DSP: variants seen among roughly 807,000 people sequenced by gnomAD.
DSP encodes 250/210 kDa paraneoplastic pemphigus antigen.
In DSP, 114 loss-of-function variants were observed where a neutral mutation model predicts 290.6. That is an observed-to-expected ratio of 0.39 (90% CI 0.34 to 0.46). The LOEUF (loss-of-function observed/expected upper bound fraction) is 0.46, where lower values mean the gene tolerates loss of function less well. Among genes scored for constraint, DSP ranks in the 20% least tolerant of loss-of-function variants. The probability of loss-of-function intolerance (pLI) is 0.99; values close to 1 mark genes in which losing one functional copy is unlikely to be tolerated. For missense variants in DSP, 3,230 were observed against 3,495.8 expected (o/e 0.92, Z 1.92); for synonymous variants, 1,311 against 1,316.4 (o/e 1.00, Z 0.09).
chr6:7,571,412 G>A lies in DSP; in HGVS notation c.1731G>A (p.Met577Ile), dbSNP rs794728101. 13 of 1,614,068 alleles carry A rather than the reference G, an allele frequency of 8.1e-6. No individual in the cohort carries two copies. Among genetic ancestry groups the A allele is most frequent in the Admixed American group, 3.3e-5 (2 of 60,010 alleles). The stretch of plus-strand genomic sequence containing the variant: ...AAACAATGCGGCAGGAAGATTACAT[G>A]AAGACGATAGCCGACCTTGAGTTAC... ...KLKTMRQEDY[M>I]KTIADLELHY... Residue 577 changes from methionine to isoleucine, a missense_variant, in exon 14 of 24, where the codon ATG (methionine) becomes ATA (isoleucine). By Grantham distance (10) the Met-to-Ile change is conservative. This residue lies in a region of DSP where 81 missense variants were observed against 130.5 expected (regional missense o/e 0.62). Transcript: ENST00000379802.
Position 7,558,155 on chromosome 6 carries a change from C to T in DSP, c.313C>T (p.Arg105Ter), listed in dbSNP as rs1435125402. ...YGDGIQLTRS[R>*]ELDECFAQAN... The stretch of plus-strand genomic sequence containing the variant: ...AGATGGAATACAACTGACTCGGAGT[C>T]GAGAATTGGATGAGTGTTTTGCCCA... The change falls in exon 3 of 24, where the codon CGA becomes TGA. Residue 105 changes from arginine to a stop codon, truncating the protein, a stop_gained. Coordinates refer to ENST00000379802, the MANE Select transcript of DSP (RefSeq NM_004415.4). LOFTEE classifies it high-confidence loss of function. The T allele has an allele frequency of 1.9e-6, 3 of 1,614,140 alleles. No homozygotes were observed. Among genetic ancestry groups the T allele is most frequent in the Non-Finnish European group, 1.7e-6 (2 of 1,180,028 alleles).
rs900320577 is a variant in DSP, at chr6:7,581,275, C to T, written c.5085C>T (p.Ser1695=). 1 of 1,614,104 alleles carries T rather than the reference C, an allele frequency of 6.2e-7. No homozygotes were observed. The highest frequency in any genetic ancestry group is 1.7e-5 in the Admixed American group (1 of 60,022). The change falls in exon 23 of 24, where the codon AGC becomes AGT. Residue 1695 remains serine, a synonymous_variant. Transcript: ENST00000379802. ...FQKAIEDKSR[S]LNESKIEIER... Reference sequence around the variant, plus strand: ...AGGCGATAGAAGATAAAAGCAGAAGCTTAAATGAAAGCAAAATAGAAATTG... The same window carrying T: ...AGGCGATAGAAGATAAAAGCAGAAGTTTAAATGAAAGCAAAATAGAAATTG...
intron 2 of DSP, 93 bp from the exon 3 acceptor site, chr6:7,558,023 T>A: frequency 6.8e-7 from 1 of 1,464,246 alleles, no homozygotes; most frequent in Non-Finnish European, 9.6e-7. Flanking sequence ...GTTTTTGTCA[T>A]GTTTACAGTG....
chr6:7,571,932 A>G lies in DSP; in HGVS notation c.1994A>G (p.Glu665Gly). The G allele has an allele frequency of 6.2e-7, 1 of 1,614,216 alleles. No homozygotes were observed. The highest frequency in any genetic ancestry group is 8.5e-7 in the Non-Finnish European group (1 of 1,180,046). The change falls in exon 15 of 24, where the codon GAA becomes GGA. Residue 665 changes from glutamate (E) to glycine (G), a missense_variant. Coordinates refer to ENST00000379802, the MANE Select transcript of DSP (RefSeq NM_004415.4). ...IETNRENDKQ[E>G]TWMLMELQKI... ...ACCAACAGAGAAAATGACAAGCAAG[A>G]AACATGGATGCTGATGGAGCTGCAG...
At chr6:7,550,964 G>A (rs1758324403) in intron 1 of DSP, among the ~76,000 whole-genome samples, 1 of 150,964 alleles carries the variant, frequency 6.6e-6, no homozygotes, top group African/African-American at 2.4e-5. Context: ...TTGAGGGTAG[G>A]GATTTAAAAA....
At chr6:7,558,507 CTTTTTT>C (rs145193988) in intron 3 of DSP, among the ~76,000 whole-genome samples, 20 of 104,516 alleles carry the variant, frequency 1.9e-4, no homozygotes, top group African/African-American at 6.8e-4. Flanking sequence ...TGGCATTTGA[CTTTTTT>C]TTTTTTTTTT....
rs1232724040 is a variant in DSP at position 7,566,418 on chromosome 6, T to C, written c.981T>C (p.Asn327=). ...SQLEVKEKEL[N]KLKQESDQLV... ...TGGAAGTTAAAGAAAAAGAGCTCAA[T>C]AAGCTGAAACAAGAAAGTGACCAAC... The change falls in exon 8 of 24, where the codon AAT becomes AAC. Residue 327 remains asparagine, a synonymous_variant. Coordinates refer to ENST00000379802, the MANE Select transcript of DSP (RefSeq NM_004415.4). 1 of 1,613,908 alleles carries C rather than the reference T, an allele frequency of 6.2e-7. No individual in the cohort carries two copies. Among genetic ancestry groups the C allele is most frequent in the Non-Finnish European group, 8.5e-7 (1 of 1,180,002 alleles).
At chr6:7,569,042 G>A in intron 11 of DSP, 144 bp from the exon 12 acceptor site, 12 of 1,054,084 alleles carry the variant, frequency 1.1e-5, no homozygotes, top group Non-Finnish European at 1.7e-5. Context: ...TTGTTGGGTT[G>A]TATGATGATC....
rs41302883 is a variant in DSP, at chr6:7,580,163, A to C, written c.3973A>C (p.Lys1325Gln). The C allele has an allele frequency of 1.1e-5, 18 of 1,614,092 alleles. No homozygotes were observed. Among genetic ancestry groups the C allele is most frequent in the Non-Finnish European group, 1.5e-5 (18 of 1,180,002 alleles). ...TGCCAAGACCATTCAGGACAAAAAT[A>C]AGGAGATCGAGAGACTCAAAGCTGA... ...EAAKTIQDKNKEIERLKAEFQ... is the reference protein window; with the variant it reads ...EAAKTIQDKNQEIERLKAEFQ... Residue 1325 changes from lysine to glutamine, a missense_variant, in exon 23 of 24, where the codon AAG becomes CAG. Transcript: ENST00000379802. This position sits in a 1 kb window ranked among gnomAD's most constrained non-coding sequence, Gnocchi z 4.2.
At position 7,580,311 on chromosome 6, in the gene DSP, A is replaced by C; in HGVS notation, c.4121A>C (p.Lys1374Thr). ...TTTGAGACCGAGATCAACATCACCAAGACCACCATCCACCAGCTCACCATG... is the reference window on the plus strand; with the variant it reads ...TTTGAGACCGAGATCAACATCACCACGACCACCATCCACCAGCTCACCATG... ...NQFETEINIT[K>T]TTIHQLTMQK... The change falls in exon 23 of 24, where the codon AAG (lysine) becomes ACG (threonine). Residue 1374 changes from lysine (K) to threonine (T), a missense_variant. Around this residue, in one of 5 missense-constraint regions of DSP, gnomAD observed 1,714 missense variants for 1,844.5 expected, o/e 0.93. Transcript: ENST00000379802. This position sits in a 1 kb window ranked among gnomAD's most constrained non-coding sequence, Gnocchi z 4.2. 6.2e-7 allele frequency: 1 copy of C among 1,614,006 alleles called. No individual in the cohort carries two copies. Among genetic ancestry groups the C allele is most frequent in the Non-Finnish European group, 8.5e-7 (1 of 1,179,954 alleles).
rs772975157 is a variant in DSP, at chr6:7,581,335, G to A, written c.5145G>A (p.Lys1715=). ...AGTCTCTCACAGAGAACCTGACCAA[G>A]GAGCACTTGATGTTAGAAGAAGAAC... is the stretch of plus-strand genomic sequence containing the variant. ...RLQSLTENLT[K]EHLMLEEELR... Residue 1715 remains lysine (K), a synonymous_variant, in exon 23 of 24, where the codon AAG becomes AAA. Transcript: ENST00000379802. The A allele has an allele frequency of 1.9e-6, 3 of 1,614,198 alleles. No individual in the cohort carries two copies. Among genetic ancestry groups the A allele is most frequent in the Non-Finnish European group, 2.5e-6 (3 of 1,180,044 alleles).
At chr6:7,574,528 CA>C (rs2113683759) in intron 16 of DSP, 128 bp from the exon 17 acceptor site, 1 of 1,412,382 alleles carries the variant, frequency 7.1e-7, no homozygotes, top group Non-Finnish European at 9.8e-7. Context: ...CACAATAGAC[CA>C]AAAAACAGAC....
rs889266044 is a variant in DSP, at chr6:7,565,004, C to T, written c.778-355C>T. 2.6e-5 allele frequency among the ~76,000 whole-genome samples: 4 copies of T among 152,066 alleles called. No homozygotes were observed. Among genetic ancestry groups the T allele is most frequent in the African/African-American group, 4.8e-5 (2 of 41,390 alleles). The stretch of plus-strand genomic sequence containing the variant: ...ACTAAAAATACAAAAATTAGCAGGA[C>T]GTGGTGGTGCATGTCTGTAATCCCA... On this transcript the variant is annotated intron_variant, in intron 6 of 23. Coordinates refer to ENST00000379802, the MANE Select transcript of DSP (RefSeq NM_004415.4). This position sits in a 1 kb window ranked among gnomAD's most constrained non-coding sequence, Gnocchi z 4.2.
rs1324380119 is a variant in DSP at position 7,574,899 on chromosome 6, T to C, written c.2436+104T>C. ...GGGTTTTCATGAGTTTTGAGGATTA[T>C]TGGGTTTCAGTGGCCACACAGGTTG... is the stretch of plus-strand genomic sequence containing the variant. On this transcript the variant is annotated intron_variant, in intron 17 of 23. Transcript: ENST00000379802. 7 of 1,545,072 alleles carry C rather than the reference T, an allele frequency of 4.5e-6. No individual in the cohort carries two copies. In the Admixed American group the frequency reaches 5.1e-5, roughly 11 times the overall value.
Position 7,567,335 on chromosome 6 carries a change from T to C in DSP, c.1045-19T>C, listed in dbSNP as rs1371559392. The C allele has an allele frequency of 1.2e-6, 2 of 1,608,290 alleles. No homozygotes were observed. Among genetic ancestry groups the C allele is most frequent in the Non-Finnish European group, 1.7e-6 (2 of 1,175,044 alleles). On this transcript the variant is annotated intron_variant, in intron 8 of 23. Coordinates refer to ENST00000379802, the MANE Select transcript of DSP (RefSeq NM_004415.4). ...TACAACTGAGCTAGGCTAAGACAGC[T>C]GACATTTTCTTGTTTCAGGCCTATA...
In DSP at chr6:7,562,839, TACTC is replaced by T. The variant is rs1387990902; in HGVS notation, c.726+61_726+64del. 4.3e-6 allele frequency: 7 copies of T among 1,609,368 alleles called. No individual in the cohort carries two copies. The Admixed American group carries it at 1.0e-4, about 23-fold the overall frequency. ...AATATCTACCGAAGGATCGTGTAAT[TACTC>T]AATCCCAGGGAGTTTCTTCTGAAAC... is the stretch of plus-strand genomic sequence containing the variant. On this transcript the variant is annotated intron_variant, in intron 5 of 23. Transcript: ENST00000379802.
At position 7,582,732 on chromosome 6, in the gene DSP, CA is replaced by C. The variant is rs1431747019; in HGVS notation, c.5472del (p.Asp1825ThrfsTer12). The part of the protein sequence containing the change: ...SLLVKIKVLE[Q>X]DKARLQRLED... ...TCTGGTGAAAATCAAAGTCCTGGAGCAAGACAAGGCAAGGCTGCAGAGGCTG... is the reference window on the plus strand; with the variant it reads ...TCTGGTGAAAATCAAAGTCCTGGAGCAGACAAGGCAAGGCTGCAGAGGCTG... On this transcript the variant is annotated frameshift_variant, in exon 24 of 24. Coordinates refer to ENST00000379802, the MANE Select transcript of DSP (RefSeq NM_004415.4). LOFTEE classifies it high-confidence loss of function. The surrounding 1 kb of genome is among the most constrained non-coding windows in gnomAD (Gnocchi z 4.2). 1 of 1,613,472 alleles carries C rather than the reference CA, an allele frequency of 6.2e-7. No homozygotes were observed. The highest frequency in any genetic ancestry group is 8.5e-7 in the Non-Finnish European group (1 of 1,179,712).
At chr6:7,561,711 T>C (rs187022145) in intron 4 of DSP, among the ~76,000 whole-genome samples, 1 of 152,332 alleles carries the variant, frequency 6.6e-6, no homozygotes, top group East Asian at 1.9e-4. Context: ...TTCTGTTGTC[T>C]GACTCTGAAA....
intron 23 of DSP, among the ~76,000 whole-genome samples, chr6:7,581,877 T>C (rs912932035): frequency 6.6e-6 from 1 of 152,230 alleles, no homozygotes; most frequent in Admixed American, 6.5e-5. Flanking sequence ...TCTTAGAAGT[T>C]AGCTCTTATT....
Sources: allele counts gnomAD v4.1 joint callset (sites outside exome capture counted in the v4.1 genomes callset), GRCh38; gene constraint gnomAD v4.1.1; regional missense constraint gnomAD v4.1.1; non-coding constraint Gnocchi (gnomAD v3.1); transcripts MANE v1.5; gene names NCBI Gene and HGNC (gene_info 2026-07-23, HGNC 2026-07-21).